The following CNRIP1 variants were observed in gnomAD, a reference collection of about 807,000 sequenced individuals.
CNRIP1 encodes the protein CB1 cannabinoid receptor-interacting protein 1.
Under a neutral mutation model 15.2 loss-of-function variants are expected in CNRIP1, and 10 were observed. The observed-to-expected ratio is 0.66, with a 90% confidence interval of 0.41 to 1.12. CNRIP1 has a LOEUF of 1.12. Among genes scored for constraint, CNRIP1 ranks in the 50% most tolerant of loss-of-function variants. The probability of loss-of-function intolerance (pLI) is 0.00; values close to 1 mark genes in which losing one functional copy is unlikely to be tolerated. For missense variants in CNRIP1, 211 were observed against 214.7 expected (o/e 0.98, Z 0.11); for synonymous variants, 91 against 83.2 (o/e 1.09, Z -0.51).
intron 2 of CNRIP1, among the ~76,000 whole-genome samples, chr2:68,304,626 CT>C (rs11292248): frequency 0.73 from 99,318 of 136,860 alleles, 35,729 homozygotes; most frequent in South Asian, 0.84. Context: ...ATCTGGTTGT[CT>C]TTTTTTTTTT....
At chr2:68,295,939 C>T (rs879102709) in intron 2 of CNRIP1, among the ~76,000 whole-genome samples, 2 of 152,082 alleles carry the variant, frequency 1.3e-5, no homozygotes, top group Admixed American at 1.3e-4. Flanking sequence ...TTTTAGTGAG[C>T]TATAAGAAAA....
In CNRIP1 at chr2:68,309,950, CGTAT is replaced by C. The variant is rs140235944; in HGVS notation, c.330+7203_330+7206del. ...AAGATTAATAGCTTCTTTATATTTA[CGTAT>C]GTATGTATGTATGTATGTATGTATG... is the stretch of plus-strand genomic sequence containing the variant. On this transcript the variant is annotated intron_variant, in intron 2 of 2. Transcript: ENST00000263655. 8.6e-4 allele frequency among the ~76,000 whole-genome samples: 130 copies of C among 151,824 alleles called. 1 individual carries two copies. The highest frequency in any genetic ancestry group is 2.6e-3 in the African/African-American group (106 of 41,392).
chr2:68,307,466 CAT>C (rs1671899366), intron 2 of CNRIP1, among the ~76,000 whole-genome samples: 4 of 152,140 alleles, frequency 2.6e-5, no homozygotes, highest in Admixed American at 2.6e-4. Context: ...AGACTACAGG[CAT>C]ATGTCACCAC....
At chr2:68,318,687 C>T (rs951658728) in intron 1 of CNRIP1, among the ~76,000 whole-genome samples, 1 of 152,236 alleles carries the variant, frequency 6.6e-6, no homozygotes, top group Non-Finnish European at 1.5e-5. Context: ...ACCCCAGGGT[C>T]CCAGCCACTG....
chr2:68,284,602 A>G (rs900117431), intron 2 of CNRIP1: 5 of 545,556 alleles, frequency 9.2e-6, no homozygotes, highest in Non-Finnish European at 1.6e-5. Flanking sequence ...TCTTGAGGTC[A>G]GGAGTTCGAG....
At chr2:68,298,925 G>C (rs941489593) in intron 2 of CNRIP1, among the ~76,000 whole-genome samples, 4 of 152,186 alleles carry the variant, frequency 2.6e-5, no homozygotes, top group Admixed American at 1.3e-4. Context: ...CTTCTAAGGA[G>C]AATGTACCCA....
chr2:68,285,756 T>A (rs1370719683), intron 2 of CNRIP1, among the ~76,000 whole-genome samples: 1 of 152,120 alleles, frequency 6.6e-6, no homozygotes, highest in Non-Finnish European at 1.5e-5. Context: ...TGTGTGTGCA[T>A]GTGCACGTGT....
intron 2 of CNRIP1, among the ~76,000 whole-genome samples, chr2:68,306,149 A>AAAAAAAAAAAAAAAG (rs1671837483): frequency 6.8e-6 from 1 of 145,986 alleles, no homozygotes; most frequent in Non-Finnish European, 1.5e-5. Context: ...AAAAAAAAAA[A>AAAAAAAAAAAAAAAG]AATTAGCTGG....
intron 2 of CNRIP1, among the ~76,000 whole-genome samples, chr2:68,312,458 C>G (rs1360420133): frequency 6.6e-6 from 1 of 152,086 alleles, no homozygotes; most frequent in African/African-American, 2.4e-5. Flanking sequence ...TAGAAGAGAA[C>G]TCCTTTAACC....
At chr2:68,296,084 G>T (rs1671345442) in intron 2 of CNRIP1, among the ~76,000 whole-genome samples, 1 of 152,126 alleles carries the variant, frequency 6.6e-6, no homozygotes, top group Admixed American at 6.5e-5. Context: ...ACAAAGTTTA[G>T]AGTAGTAAAC....
At chr2:68,299,540 C>T (rs1282443529) in intron 2 of CNRIP1, among the ~76,000 whole-genome samples, 1 of 152,206 alleles carries the variant, frequency 6.6e-6, no homozygotes, top group African/African-American at 2.4e-5. Context: ...CACCAGACTA[C>T]TGCCTTGATG....
In CNRIP1 at chr2:68,293,902, G is replaced by T. The variant is rs1306341302; in HGVS notation, c.455C>A (p.Thr152Lys). 1 of 1,613,998 alleles carries T rather than the reference G, an allele frequency of 6.2e-7. No homozygotes were observed. Among genetic ancestry groups the T allele is most frequent in the Non-Finnish European group, 8.5e-7 (1 of 1,180,000 alleles). ...CTTGTTCACCCACATCAGACTGCGT[G>T]TCTCGTTGGGCTTGCATTCATACTC... ...VIEYECKPNETRSLMWVNKES... is the reference protein window; with the variant it reads ...VIEYECKPNEKRSLMWVNKES... The change falls in exon 3 of 3, where the codon ACA becomes AAA. Residue 152 changes from threonine (T) to lysine (K), a missense_variant. Transcript: ENST00000263655.
intron 2 of CNRIP1, among the ~76,000 whole-genome samples, chr2:68,311,914 T>C (rs1672091750): frequency 6.7e-6 from 1 of 150,338 alleles, no homozygotes. Context: ...TTAATTGAAA[T>C]AAATGACTTC....
intron 2 of CNRIP1, among the ~76,000 whole-genome samples, chr2:68,305,233 A>G (rs1671774140): frequency 8.8e-6 from 1 of 113,956 alleles, no homozygotes; most frequent in African/African-American, 3.5e-5. Flanking sequence ...AACAAGAGTG[A>G]AACTCCGTCT....
chr2:68,317,207 C>T lies in CNRIP1; in HGVS notation c.280G>A (p.Val94Met), dbSNP rs1215607299. Residue 94 changes from valine (V) to methionine (M), a missense_variant, in exon 2 of 3, where the codon GTG (valine) becomes ATG (methionine). Coordinates refer to ENST00000263655, the MANE Select transcript of CNRIP1 (RefSeq NM_015463.3). ...VYTGTYDTEG[V>M]TPTKSGERQP... Reference sequence around the variant, plus strand: ...CGTTCTCCACTCTTCGTTGGGGTCACACCTTCTGTGTCATATGTACCCGTA... The same window carrying T: ...CGTTCTCCACTCTTCGTTGGGGTCATACCTTCTGTGTCATATGTACCCGTA... The T allele has an allele frequency of 1.9e-6, 3 of 1,614,248 alleles. No individual in the cohort carries two copies. Among genetic ancestry groups the T allele is most frequent in the Admixed American group, 3.3e-5 (2 of 60,030 alleles).
chr2:68,299,450 G>A (rs554908169), intron 2 of CNRIP1, among the ~76,000 whole-genome samples: 1 of 152,216 alleles, frequency 6.6e-6, no homozygotes, highest in East Asian at 1.9e-4. Context: ...GCCCTCATAA[G>A]GTACATGAGA....
At chr2:68,287,054 T>C in intron 2 of CNRIP1, among the ~76,000 whole-genome samples, 1 of 152,354 alleles carries the variant, frequency 6.6e-6, no homozygotes, top group Middle Eastern at 3.4e-3. Flanking sequence ...CAGTCATAAT[T>C]TATCTTATTT....
intron 2 of CNRIP1, among the ~76,000 whole-genome samples, chr2:68,311,462 A>G (rs1283443930): frequency 6.6e-6 from 1 of 152,128 alleles, no homozygotes; most frequent in Non-Finnish European, 1.5e-5. Flanking sequence ...TATAAAAATA[A>G]AAATTTTGAA....
At chr2:68,311,779 GAAAAAAAAA>G (rs59421926) in intron 2 of CNRIP1, among the ~76,000 whole-genome samples, 2 of 90,282 alleles carry the variant, frequency 2.2e-5, no homozygotes, top group South Asian at 3.3e-4. Flanking sequence ...CATCTCCGGG[GAAAAAAAAA>G]AAAAAAAAAA....
Sources: allele counts gnomAD v4.1 joint callset (sites outside exome capture counted in the v4.1 genomes callset), GRCh38; gene constraint gnomAD v4.1.1; transcripts MANE v1.5; gene names NCBI Gene and HGNC (gene_info 2026-07-23, HGNC 2026-07-21).